Variants in LHFPL6 observed in about 807,000 individuals in gnomAD.
The protein encoded by LHFPL6 is LHFPL tetraspan subfamily member 6.
Under a neutral mutation model 20.6 loss-of-function variants are expected in LHFPL6, and 9 were observed. The ratio of observed to expected loss-of-function variants is 0.44; its 90% CI spans 0.26 to 0.76. LHFPL6 has a LOEUF of 0.76. LHFPL6 is among the 30% of genes least tolerant of loss of function. The pLI is 0.20. For synonymous variants in LHFPL6, 105 were observed against 98.7 expected (o/e 1.06, Z -0.38); for missense variants, 218 against 253.5 (o/e 0.86, Z 0.95).
chr13:39,382,414 T>C (rs992960860), intron 2 of LHFPL6, among the ~76,000 whole-genome samples: 5 of 152,202 alleles, frequency 3.3e-5, no homozygotes, highest in African/African-American at 1.2e-4. Flanking sequence ...TGTTTTGTTT[T>C]GTTTTTTTGA....
intron 2 of LHFPL6, among the ~76,000 whole-genome samples, chr13:39,442,587 G>A (rs1017468735): frequency 1.1e-4 from 16 of 152,238 alleles, no homozygotes; most frequent in African/African-American, 3.6e-4. Context: ...TTCTGGGAAC[G>A]ATTGCTGATT....
At chr13:39,484,084 A>G (rs888899664) in intron 2 of LHFPL6, among the ~76,000 whole-genome samples, 3 of 152,146 alleles carry the variant, frequency 2.0e-5, no homozygotes, top group Non-Finnish European at 4.4e-5. Flanking sequence ...ATGTGATTCC[A>G]TCCAGATCTG....
intron 2 of LHFPL6, among the ~76,000 whole-genome samples, chr13:39,530,884 C>T (rs981001133): frequency 1.3e-5 from 2 of 151,178 alleles, no homozygotes; most frequent in African/African-American, 4.9e-5. Context: ...AAAAAATTCC[C>T]CAGAGGATGT....
At chr13:39,532,228 C>T (rs1870488026) in intron 2 of LHFPL6, among the ~76,000 whole-genome samples, 1 of 152,110 alleles carries the variant, frequency 6.6e-6, no homozygotes, top group Non-Finnish European at 1.5e-5. Flanking sequence ...TACTCCTGCC[C>T]TAACTGCTGC....
chr13:39,516,363 C>T (rs746479087), intron 2 of LHFPL6, among the ~76,000 whole-genome samples: 14 of 152,244 alleles, frequency 9.2e-5, no homozygotes, highest in Non-Finnish European at 1.8e-4. Flanking sequence ...TCCGCTCAAG[C>T]GTCCAAGTGG....
At chr13:39,535,815 A>C (rs896603284) in intron 2 of LHFPL6, among the ~76,000 whole-genome samples, 3 of 152,136 alleles carry the variant, frequency 2.0e-5, no homozygotes, top group Non-Finnish European at 2.9e-5. Flanking sequence ...TGAGAGTCAT[A>C]ATCACCTGTT....
chr13:39,504,413 T>C (rs919483997), intron 2 of LHFPL6, among the ~76,000 whole-genome samples: 1 of 152,346 alleles, frequency 6.6e-6, no homozygotes, highest in East Asian at 1.9e-4. Context: ...CTCGCTGTAT[T>C]AGTTTACTAG....
chr13:39,447,908 C>G (rs1392577833), intron 2 of LHFPL6, among the ~76,000 whole-genome samples: 1 of 152,218 alleles, frequency 6.6e-6, no homozygotes, highest in Non-Finnish European at 1.5e-5. Context: ...TGGGGATGTT[C>G]TTCCATTCCT....
chr13:39,523,349 C>T (rs187827399), intron 2 of LHFPL6, among the ~76,000 whole-genome samples: 255 of 152,202 alleles, frequency 1.7e-3, no homozygotes, highest in African/African-American at 5.8e-3. Flanking sequence ...GCGGGCGGAT[C>T]ACGAGGTCAG....
At chr13:39,479,116 T>G (rs1316055771) in intron 2 of LHFPL6, among the ~76,000 whole-genome samples, 1 of 132,248 alleles carries the variant, frequency 7.6e-6, no homozygotes, top group African/African-American at 2.7e-5. Context: ...TATCTATCCA[T>G]CCATCTATCT....
chr13:39,522,457 C>T (rs1870140169), intron 2 of LHFPL6, among the ~76,000 whole-genome samples: 1 of 152,206 alleles, frequency 6.6e-6, no homozygotes, highest in African/African-American at 2.4e-5. Flanking sequence ...GTGTACTGCA[C>T]TCTCCAAAGC....
In LHFPL6 at chr13:39,601,513, G is replaced by A. The variant is rs530985696; in HGVS notation, c.-174-123C>T. On this transcript the variant is annotated intron_variant, in intron 1 of 3. Transcript: ENST00000379589. ...ACTTGCCTCAACACTTTAAAAGTGG[G>A]AAGAACTAATTCTCTCTATGAGCTT... 37 of 275,314 alleles carry A rather than the reference G, an allele frequency of 1.3e-4. No homozygotes were observed. In the East Asian group the frequency reaches 2.1e-3, roughly 16 times the overall value. The allele number at this position is 275,314 out of a possible 1,614,324, so 17.1% of individuals were successfully genotyped here. A position where few individuals can be genotyped will look rare whatever the true frequency, so the allele number is the denominator to read the frequency against.
intron 2 of LHFPL6, among the ~76,000 whole-genome samples, chr13:39,440,955 C>G (rs553387794): frequency 6.6e-6 from 1 of 152,042 alleles, no homozygotes; most frequent in East Asian, 1.9e-4. Flanking sequence ...GTTAGATGTG[C>G]CTTTTACCTT....
intron 2 of LHFPL6, among the ~76,000 whole-genome samples, chr13:39,407,542 G>A (rs1217526062): frequency 6.6e-6 from 1 of 152,182 alleles, no homozygotes; most frequent in Admixed American, 6.5e-5. Context: ...ATTAGGTCAT[G>A]TCATCAAAAC....
intron 2 of LHFPL6, among the ~76,000 whole-genome samples, chr13:39,542,024 G>A (rs1052730163): frequency 2.6e-5 from 4 of 151,670 alleles, no homozygotes; most frequent in Non-Finnish European, 5.9e-5. Context: ...CCGGGAGGCA[G>A]AGCTTGCAGT....
At chr13:39,529,909 C>T (rs551098276) in intron 2 of LHFPL6, among the ~76,000 whole-genome samples, 18 of 152,242 alleles carry the variant, frequency 1.2e-4, no homozygotes, top group South Asian at 1.0e-3. Context: ...AAGTTTTGCA[C>T]GAAGTGTCAA....
chr13:39,414,796 TC>T (rs56661329), intron 2 of LHFPL6, among the ~76,000 whole-genome samples: 14,056 of 152,248 alleles, frequency 0.092, 725 homozygotes, highest in Middle Eastern at 0.14. Context: ...TGAGGTTTTT[TC>T]CTATGCCTGT....
chr13:39,502,109 G>A (rs940634772), intron 2 of LHFPL6, among the ~76,000 whole-genome samples: 6 of 152,264 alleles, frequency 3.9e-5, no homozygotes, highest in Non-Finnish European at 7.4e-5. Flanking sequence ...GGCCCTACAT[G>A]GCTCCCATTT....
intron 2 of LHFPL6, among the ~76,000 whole-genome samples, chr13:39,390,056 A>T (rs565967793): frequency 5.9e-5 from 9 of 152,078 alleles, no homozygotes; most frequent in Non-Finnish European, 1.2e-4. Flanking sequence ...CTTTTTTTTA[A>T]AAAGTTTGGA....
Sources: allele counts gnomAD v4.1 joint callset (sites outside exome capture counted in the v4.1 genomes callset), GRCh38; gene constraint gnomAD v4.1.1; transcripts MANE v1.5; gene names NCBI Gene and HGNC (gene_info 2026-07-23, HGNC 2026-07-21).